Variants in TAFA2 observed in about 807,000 individuals in gnomAD.
The protein encoded by TAFA2 is TAFA chemokine like family member 2, also known as chemokine-like protein TAFA-2.
A neutral mutation model predicts 18.8 loss-of-function variants in TAFA2; 7 were observed. That is an observed-to-expected ratio of 0.37 (90% CI 0.21 to 0.70). The LOEUF is 0.70. TAFA2 is among the 30% of genes least tolerant of loss of function. The probability of loss-of-function intolerance (pLI) is 0.53; values close to 1 mark genes in which losing one functional copy is unlikely to be tolerated. For missense variants in TAFA2, 122 were observed against 158.1 expected, an observed-to-expected ratio of 0.77 and a Z score of 1.23; for synonymous variants, 60 against 54.2, an observed-to-expected ratio of 1.11 and a Z score of -0.47.
At chr12:61,963,999 T>A (rs1240569535) in intron 1 of TAFA2, among the ~76,000 whole-genome samples, 1 of 152,020 alleles carries the variant, frequency 6.6e-6, no homozygotes, top group East Asian at 1.9e-4. Flanking sequence ...TAATAAATGG[T>A]GTTGGGAAAA....
intron 1 of TAFA2, among the ~76,000 whole-genome samples, chr12:62,022,766 T>C (rs1470976585): frequency 6.6e-6 from 1 of 152,172 alleles, no homozygotes; most frequent in African/African-American, 2.4e-5. Context: ...AGACAGATAG[T>C]TACATAATCA....
intron 1 of TAFA2, among the ~76,000 whole-genome samples, chr12:62,033,764 C>A (rs892390193): frequency 6.6e-6 from 1 of 152,086 alleles, no homozygotes; most frequent in Non-Finnish European, 1.5e-5. Context: ...CCTTTCCCTA[C>A]AGAATCGCTG....
chr12:61,785,319 TTGTGTGTGTGTGTGTGTGTGTGTG>T (rs57166010), intron 2 of TAFA2, among the ~76,000 whole-genome samples: 1 of 140,084 alleles, frequency 7.1e-6, no homozygotes. Context: ...AATAGTATTC[TTGTGTGTGTGTGTGTGTGTGTGTG>T]TGTGTGTGTG....
In TAFA2 at chr12:61,922,280, G is replaced by A. The variant is rs191275424; in HGVS notation, c.-1-54854C>T. Among the ~76,000 whole-genome samples the A allele has an allele frequency of 3.5e-3, 538 of 152,256 alleles. 5 individuals are homozygous for A. Among genetic ancestry groups the A allele is most frequent in the Non-Finnish European group, 2.9e-3 (200 of 68,028 alleles). ...AGAGTCACTGAAGTTATCTCCTCGG[G>A]GTGAAAGGAAATAGGATCCAATGCT... On this transcript the variant is annotated intron_variant, in intron 1 of 4. Transcript: ENST00000416284.
intron 1 of TAFA2, among the ~76,000 whole-genome samples, chr12:61,970,802 T>C (rs1407632578): frequency 2.0e-5 from 3 of 148,814 alleles, no homozygotes; most frequent in Admixed American, 6.7e-5. Context: ...AATGGTCACA[T>C]TGAGAGTGGT....
intron 1 of TAFA2, among the ~76,000 whole-genome samples, chr12:62,065,308 C>A (rs1168866352): frequency 6.6e-6 from 1 of 152,008 alleles, no homozygotes; most frequent in Non-Finnish European, 1.5e-5. Flanking sequence ...CAAACGTCAA[C>A]AATATTAATA....
At chr12:62,006,393 TG>T (rs1880551527) in intron 1 of TAFA2, among the ~76,000 whole-genome samples, 2 of 152,132 alleles carry the variant, frequency 1.3e-5, no homozygotes, top group African/African-American at 2.4e-5. Flanking sequence ...GGATAGCAGA[TG>T]TATCTAAAGA....
In TAFA2 at chr12:61,767,213, T is replaced by G. The variant is rs533651544; in HGVS notation, c.107-12189A>C. On this transcript the variant is annotated intron_variant, in intron 2 of 4. Transcript: ENST00000416284. ...GACTCTGACCTAGGATATCTTGATT[T>G]TGGTCCTAACTGGTCAGGAATATTA... Among the ~76,000 whole-genome samples, 6 of 152,246 alleles carry G rather than the reference T, an allele frequency of 3.9e-5. No individual in the cohort carries two copies. The South Asian group carries it at 1.2e-3, about 32-fold the overall frequency.
chr12:61,730,485 G>A (rs891988862), intron 4 of TAFA2, among the ~76,000 whole-genome samples: 12 of 152,154 alleles, frequency 7.9e-5, no homozygotes, highest in Non-Finnish European at 1.2e-4. Flanking sequence ...ACAAGCTTAC[G>A]TCTTTTGTCT....
At chr12:62,197,298 ATCC>A (rs1362460605), upstream of TAFA2, among the ~76,000 whole-genome samples, 2 of 152,262 alleles carry the variant, frequency 1.3e-5, no homozygotes, top group Non-Finnish European at 1.5e-5. Flanking sequence ...TTAAATTGCC[ATCC>A]TCCTCAAGTC....
intron 1 of TAFA2, among the ~76,000 whole-genome samples, chr12:62,119,229 C>G (rs1870092121): frequency 6.6e-6 from 1 of 151,978 alleles, no homozygotes; most frequent in Admixed American, 6.6e-5. Flanking sequence ...TAAAAAAACA[C>G]TCCCAAATTT....
At position 61,709,240 on chromosome 12, in the gene TAFA2, G is replaced by A. The variant is rs1020861001; in HGVS notation, c.*1166C>T. The A allele has an allele frequency of 3.3e-5, 5 of 152,296 alleles. No homozygotes were observed. The East Asian group carries it at 5.8e-4, about 18-fold the overall frequency. The allele number at this position is 152,296 out of a possible 1,614,324, so 9.4% of individuals were successfully genotyped here. ...TTCCTGTAGAACCAAAACCATAAAC[G>A]TTAAAATCGCTACAAAAATGTCACA... On this transcript the variant is annotated 3_prime_UTR_variant, in exon 5 of 5. Coordinates refer to ENST00000416284, the MANE Select transcript of TAFA2 (RefSeq NM_178539.5).
At chr12:62,136,467 T>C (rs1334646085) in intron 1 of TAFA2, among the ~76,000 whole-genome samples, 2 of 152,080 alleles carry the variant, frequency 1.3e-5, no homozygotes, top group African/African-American at 4.8e-5. Context: ...AAAATACAAA[T>C]AACAGAGGAC....
chr12:62,147,747 A>G (rs1386256951), intron 1 of TAFA2, among the ~76,000 whole-genome samples: 162 of 150,904 alleles, frequency 1.1e-3, no homozygotes, highest in Middle Eastern at 3.4e-3. Flanking sequence ...AAAAAAAAAA[A>G]AAAAGAAACC....
intron 4 of TAFA2, among the ~76,000 whole-genome samples, chr12:61,739,433 A>G (rs1299179910): frequency 6.6e-6 from 1 of 152,098 alleles, no homozygotes; most frequent in African/African-American, 2.4e-5. Flanking sequence ...AGTACTACAG[A>G]AAATAATTCT....
chr12:62,068,633 A>G (rs930326917), intron 1 of TAFA2, among the ~76,000 whole-genome samples: 6 of 152,120 alleles, frequency 3.9e-5, no homozygotes, highest in African/African-American at 1.4e-4. Flanking sequence ...GAACATGACA[A>G]TGGAAAATTT....
chr12:62,154,231 A>G (rs1217700231), intron 1 of TAFA2, among the ~76,000 whole-genome samples: 1 of 152,102 alleles, frequency 6.6e-6, no homozygotes, highest in Non-Finnish European at 1.5e-5. Flanking sequence ...AGTTCTCTTG[A>G]TCTTTCCCTC....
intron 2 of TAFA2, among the ~76,000 whole-genome samples, chr12:61,866,367 A>T (rs1004633973): frequency 2.6e-5 from 4 of 152,186 alleles, no homozygotes; most frequent in Non-Finnish European, 5.9e-5. Flanking sequence ...AACTAATTTA[A>T]GTGTTACAGA....
At chr12:61,899,396 A>C (rs1003514647) in intron 1 of TAFA2, among the ~76,000 whole-genome samples, 10 of 152,244 alleles carry the variant, frequency 6.6e-5, no homozygotes, top group African/African-American at 2.4e-4. Flanking sequence ...TAAAGAAAGT[A>C]AGGTTAATTG....
Sources: gnomAD v4.1 joint callset for allele counts (sites outside exome capture counted in the v4.1 genomes callset) on GRCh38, gnomAD v4.1.1 for gene constraint, MANE v1.5 for transcripts, NCBI Gene and HGNC (gene_info 2026-07-23, HGNC 2026-07-21) for gene names.